Variants in NAT2 observed in about 807,000 individuals in gnomAD.
NAT2 encodes arylamine N-acetyltransferase 2.
For synonymous variants in NAT2, 137 were observed against 125.9 expected (o/e 1.09, Z -0.59); for missense variants, 428 against 339.1 (o/e 1.26, Z -2.06).
At position 18,400,699 on chromosome 8, in the gene NAT2, C is replaced by G. The variant is rs1157192529; in HGVS notation, c.696C>G (p.Tyr232Ter). The G allele has an allele frequency of 6.2e-7, 1 of 1,613,920 alleles. No homozygotes were observed. Among genetic ancestry groups the G allele is most frequent in the South Asian group, 1.1e-5 (1 of 91,076 alleles). Residue 232 changes from tyrosine to a stop codon, truncating the protein, a stop_gained, in exon 2 of 2, where the codon TAC (tyrosine) becomes TAG (stop). Coordinates refer to ENST00000286479, the MANE Select transcript of NAT2 (RefSeq NM_000015.3). LOFTEE classifies it low-confidence loss of function (END_TRUNC). Reference protein sequence around the residue: ...FCSLQTPEGVYCLVGFILTYR... With the variant: ...FCSLQTPEGV ...CCTTGCAGACCCCAGAAGGGGTTTA[C>G]TGTTTGGTGGGCTTCATCCTCACCT...
At chr8:18,390,379 G>A (rs1800573297), upstream of NAT2, among the ~76,000 whole-genome samples, 1 of 152,158 alleles carries the variant, frequency 6.6e-6, no homozygotes, top group Non-Finnish European at 1.5e-5. Context: ...TGTTACTGGA[G>A]AGAAAAGAGG....
chr8:18,400,778 A>C lies in NAT2; in HGVS notation c.775A>C (p.Thr259Pro). Residue 259 changes from threonine (T) to proline (P), a missense_variant, in exon 2 of 2, where the codon ACT becomes CCT. Thr to Pro is a conservative substitution (Grantham distance 38). Coordinates refer to ENST00000286479, the MANE Select transcript of NAT2 (RefSeq NM_000015.3). ...NTDLVEFKTL[T>P]EEEVEEVLRN... is the part of the protein sequence containing the mutation. The stretch of plus-strand genomic sequence containing the variant: ...AGATCTGGTCGAGTTTAAAACTCTC[A>C]CTGAGGAAGAGGTTGAAGAAGTGCT... 6.2e-7 allele frequency: 1 copy of C among 1,613,392 alleles called. No individual in the cohort carries two copies. The highest frequency in any genetic ancestry group is 8.5e-7 in the Non-Finnish European group (1 of 1,179,832).
intron 1 of NAT2, among the ~76,000 whole-genome samples, chr8:18,394,443 A>G (rs45503602): frequency 1.3e-5 from 2 of 152,198 alleles, no homozygotes; most frequent in African/African-American, 2.4e-5. Flanking sequence ...ATTATTTACT[A>G]TATAGGCTCC....
At position 18,400,294 on chromosome 8, in the gene NAT2, A is replaced by G. The variant is rs982132532; in HGVS notation, c.291A>G (p.Pro97=). ...TMLGGYFYIP[P]VNKYSTGMVH... ...TAGGAGGGTATTTTTACATCCCTCC[A>G]GTTAACAAATACAGCACTGGCATGG... The change falls in exon 2 of 2, where the codon CCA becomes CCG. Residue 97 remains proline (P), a synonymous_variant. Transcript: ENST00000286479. The G allele has an allele frequency of 6.2e-7, 1 of 1,613,672 alleles. No homozygotes were observed. Among genetic ancestry groups the G allele is most frequent in the African/African-American group, 1.3e-5 (1 of 74,884 alleles).
chr8:18,389,639 A>G (rs958031462), upstream of NAT2, among the ~76,000 whole-genome samples: 3 of 152,228 alleles, frequency 2.0e-5, no homozygotes, highest in Non-Finnish European at 4.4e-5. Flanking sequence ...GAGGACAGAA[A>G]TCTGGCAGTG....
chr8:18,398,359 T>G (rs1321835539), intron 1 of NAT2, among the ~76,000 whole-genome samples: 1 of 152,160 alleles, frequency 6.6e-6, no homozygotes, highest in South Asian at 2.1e-4. Context: ...TATGGCTAAT[T>G]CATACACAGA....
Position 18,395,493 on chromosome 8 carries a change from G to A in NAT2, c.-7+4148G>A, listed in dbSNP as rs556836397. On this transcript the variant is annotated intron_variant, in intron 1 of 1. Coordinates refer to ENST00000286479, the MANE Select transcript of NAT2 (RefSeq NM_000015.3). ...TTAATATAAATGTAGAACAAATAAA[G>A]TTGAACACCATTTCATATTTGACAA... Among the ~76,000 whole-genome samples the A allele has an allele frequency of 3.6e-4, 55 of 152,124 alleles. 1 individual carries two copies. The South Asian group carries it at 0.01, about 28-fold the overall frequency.
chr8:18,395,812 T>C (rs1044134615), intron 1 of NAT2, among the ~76,000 whole-genome samples: 1 of 152,176 alleles, frequency 6.6e-6, no homozygotes, highest in African/African-American at 2.4e-5. Context: ...AAGTCATTCA[T>C]TTAGGCAAAG....
At chr8:18,389,376 G>A (rs575112597), upstream of NAT2, among the ~76,000 whole-genome samples, 4 of 152,170 alleles carry the variant, frequency 2.6e-5, no homozygotes, top group East Asian at 1.9e-4. Flanking sequence ...ATCTCTCTTC[G>A]CCTGTGTGTC....
upstream of NAT2, among the ~76,000 whole-genome samples, chr8:18,388,836 A>G (rs559028679): frequency 2.6e-5 from 4 of 152,348 alleles, no homozygotes; most frequent in East Asian, 7.7e-4. Flanking sequence ...TTGTATGGTG[A>G]GGAAGTACTC....
At chr8:18,387,842 T>G (rs1191517914), upstream of NAT2, 4 of 152,398 alleles carry the variant, frequency 2.6e-5, no homozygotes, top group African/African-American at 9.6e-5. Flanking sequence ...GTCGCTATCT[T>G]CTAGTGAGCG....
rs572543018 is a variant in NAT2 at position 18,396,136 on chromosome 8, G to A, written c.-6-3862G>A. 5.9e-5 allele frequency among the ~76,000 whole-genome samples: 9 copies of A among 151,702 alleles called. No homozygotes were observed. In the South Asian group the frequency reaches 1.7e-3, roughly 28 times the overall value. On this transcript the variant is annotated intron_variant, in intron 1 of 1. Transcript: ENST00000286479. ...ATCTATTTAATTAGTTGTAACACAA[G>A]GTAGAGATTTTTATAAATCTTTTAC...
chr8:18,396,698 A>AT (rs1800698893), intron 1 of NAT2, among the ~76,000 whole-genome samples: 1 of 152,144 alleles, frequency 6.6e-6, no homozygotes, highest in African/African-American at 2.4e-5. Context: ...CCAGCCTGTA[A>AT]TTTTTTAAAT....
At chr8:18,394,800 G>A (rs1173648121) in intron 1 of NAT2, among the ~76,000 whole-genome samples, 1 of 152,056 alleles carries the variant, frequency 6.6e-6, no homozygotes, top group Non-Finnish European at 1.5e-5. Flanking sequence ...CTTGATTTTT[G>A]TCTCCACTTG....
chr8:18,394,719 C>G (rs570060566), intron 1 of NAT2, among the ~76,000 whole-genome samples: 1 of 152,146 alleles, frequency 6.6e-6, no homozygotes, highest in Non-Finnish European at 1.5e-5. Flanking sequence ...CCAGTTTTAT[C>G]CACAGGGCTA....
chr8:18,400,110 C>G lies in NAT2; in HGVS notation c.107C>G (p.Pro36Arg). ...CTTGAGCACCAGATCCGGGCTGTTC[C>G]CTTTGAGAACCTTAACATGCATTGT... ...DILEHQIRAV[P>R]FENLNMHCGQ... Residue 36 changes from proline (P) to arginine (R), a missense_variant, in exon 2 of 2, where the codon CCC (proline) becomes CGC (arginine). Physicochemically the swap from Pro to Arg is moderately radical, Grantham distance 103. Coordinates refer to ENST00000286479, the MANE Select transcript of NAT2 (RefSeq NM_000015.3). The G allele has an allele frequency of 6.2e-7, 1 of 1,613,908 alleles. No homozygotes were observed. Among genetic ancestry groups the G allele is most frequent in the Non-Finnish European group, 8.5e-7 (1 of 1,179,928 alleles).
At chr8:18,389,822 G>C (rs183782419), upstream of NAT2, among the ~76,000 whole-genome samples, 123 of 152,312 alleles carry the variant, frequency 8.1e-4, no homozygotes, top group African/African-American at 2.8e-3. Flanking sequence ...AGTGGAACTG[G>C]TAAGTTAAAG....
chr8:18,386,358 A>G (rs1223131237), upstream of NAT2, among the ~76,000 whole-genome samples: 2 of 152,198 alleles, frequency 1.3e-5, no homozygotes. Flanking sequence ...AGAGGTGGCC[A>G]TGTGGCCCAA....
At chr8:18,394,855 AT>A (rs1800658322) in intron 1 of NAT2, among the ~76,000 whole-genome samples, 1 of 152,228 alleles carries the variant, frequency 6.6e-6, no homozygotes, top group African/African-American at 2.4e-5. Flanking sequence ...ATTTATGCAA[AT>A]AATTATATTC....
Sources: allele counts gnomAD v4.1 joint callset (sites outside exome capture counted in the v4.1 genomes callset), GRCh38; gene constraint gnomAD v4.1.1; transcripts MANE v1.5; gene names NCBI Gene and HGNC (gene_info 2026-07-23, HGNC 2026-07-21).